ERBB4: variants seen among roughly 807,000 people sequenced by gnomAD.
ERBB4 encodes erb-b2 receptor tyrosine kinase 4, also known as receptor tyrosine-protein kinase erbB-4.
A neutral mutation model predicts 158.0 loss-of-function variants in ERBB4; 42 were observed. That is an observed-to-expected ratio of 0.27 (90% CI 0.21 to 0.34). The LOEUF is 0.34. Among genes scored for constraint, ERBB4 ranks in the 10% least tolerant of loss-of-function variants. ERBB4 has a pLI of 1.00. For synonymous variants in ERBB4, 583 were observed against 558.7 expected (o/e 1.04, Z -0.61); for missense variants, 1,333 against 1,624.1 (o/e 0.82, Z 3.08).
chr2:211,541,071 T>C (rs12694240), intron 20 of ERBB4, among the ~76,000 whole-genome samples: 103,330 of 151,586 alleles, frequency 0.68, 35,627 homozygotes, highest in East Asian at 0.83. Context: ...TCTAAGAAAC[T>C]GTATCAATTG....
intron 2 of ERBB4, among the ~76,000 whole-genome samples, chr2:211,991,668 C>A (rs540760582): frequency 2.0e-5 from 3 of 152,010 alleles, no homozygotes; most frequent in Admixed American, 2.0e-4. Context: ...ACTTGGCCTA[C>A]CTAGGATAGA....
chr2:212,136,656 T>C (rs1347365804), intron 1 of ERBB4, among the ~76,000 whole-genome samples: 1 of 152,202 alleles, frequency 6.6e-6, no homozygotes, highest in Non-Finnish European at 1.5e-5. Context: ...AGTGGTGAGC[T>C]TGCATAATTG....
chr2:212,412,813 C>A (rs74991357), intron 1 of ERBB4, among the ~76,000 whole-genome samples: 3 of 152,160 alleles, frequency 2.0e-5, no homozygotes, highest in East Asian at 1.9e-4. Context: ...AGATTAAATG[C>A]ATTTGTGTAC....
intron 20 of ERBB4, among the ~76,000 whole-genome samples, chr2:211,467,005 T>C (rs997863578): frequency 1.8e-4 from 28 of 152,148 alleles, no homozygotes; most frequent in South Asian, 2.1e-4. Flanking sequence ...TAATGCATTA[T>C]ATTATATATA....
At chr2:212,418,143 T>G (rs970288633) in intron 1 of ERBB4, among the ~76,000 whole-genome samples, 2 of 151,950 alleles carry the variant, frequency 1.3e-5, no homozygotes, top group Non-Finnish European at 2.9e-5. Flanking sequence ...TGTTAGCCAT[T>G]CGGTCTATGG....
chr2:212,448,205 A>T (rs2092391692), intron 1 of ERBB4, among the ~76,000 whole-genome samples: 1 of 152,316 alleles, frequency 6.6e-6, no homozygotes, highest in African/African-American at 2.4e-5. Flanking sequence ...AACAGTAATG[A>T]TTTTAATGCA....
intron 2 of ERBB4, among the ~76,000 whole-genome samples, chr2:212,122,717 G>A (rs562180080): frequency 6.6e-6 from 1 of 151,822 alleles, no homozygotes; most frequent in East Asian, 1.9e-4. Context: ...GTTAAATATG[G>A]ACTAAAGTCT....
chr2:212,000,185 T>C (rs2076071675), intron 2 of ERBB4, among the ~76,000 whole-genome samples: 1 of 151,832 alleles, frequency 6.6e-6, no homozygotes, highest in South Asian at 2.1e-4. Flanking sequence ...ATTATTTTGA[T>C]ATTCATCAAT....
chr2:211,922,761 A>C lies in ERBB4; in HGVS notation c.421+24669T>G, dbSNP rs184615992. Reference sequence around the variant, plus strand: ...ATTATGGGGTGGTGTGGATTGTCAAAAAAACCTTGTCAGAGGATATAACCT... The same window carrying C: ...ATTATGGGGTGGTGTGGATTGTCAACAAAACCTTGTCAGAGGATATAACCT... On this transcript the variant is annotated intron_variant, in intron 3 of 27. Coordinates refer to ENST00000342788, the MANE Select transcript of ERBB4 (RefSeq NM_005235.3). 2.0e-3 allele frequency among the ~76,000 whole-genome samples: 309 copies of C among 152,260 alleles called. 1 individual carries two copies. Among genetic ancestry groups the C allele is most frequent in the African/African-American group, 7.2e-3 (301 of 41,572 alleles).
At chr2:212,446,593 AT>A (rs1185226850) in intron 1 of ERBB4, among the ~76,000 whole-genome samples, 22 of 13,174 alleles carry the variant, frequency 1.7e-3, no homozygotes, top group Non-Finnish European at 2.8e-3. Flanking sequence ...ATATATATGT[AT>A]ATATATATAT....
chr2:211,442,954 C>T (rs1396596148), intron 20 of ERBB4, among the ~76,000 whole-genome samples: 1 of 151,898 alleles, frequency 6.6e-6, no homozygotes, highest in Non-Finnish European at 1.5e-5. Flanking sequence ...ATGGCGTGTT[C>T]CTGTGGAGAT....
chr2:211,824,824 G>A (rs2077063457), intron 3 of ERBB4, among the ~76,000 whole-genome samples: 1 of 151,830 alleles, frequency 6.6e-6, no homozygotes, highest in Non-Finnish European at 1.5e-5. Flanking sequence ...AAATATGTTT[G>A]TTTTTACACA....
chr2:211,773,630 ATATATATATATATATAT>A (rs2075785760), intron 4 of ERBB4, among the ~76,000 whole-genome samples: 2 of 49,918 alleles, frequency 4.0e-5, no homozygotes, highest in African/African-American at 2.1e-4. Flanking sequence ...ATATATATAT[ATATATATATATATATAT>A]AATATATATA....
intron 16 of ERBB4, among the ~76,000 whole-genome samples, chr2:211,651,389 A>G (rs1398139509): frequency 6.6e-6 from 1 of 152,190 alleles, no homozygotes; most frequent in East Asian, 1.9e-4. Flanking sequence ...TTATATGCTC[A>G]AGTACCCAGG....
chr2:212,122,288 T>A (rs1031309418), intron 2 of ERBB4, among the ~76,000 whole-genome samples: 2 of 151,982 alleles, frequency 1.3e-5, no homozygotes, highest in African/African-American at 4.8e-5. Flanking sequence ...ATTGCAGATA[T>A]GTTTTCTAAG....
rs547368216 is a variant in ERBB4, at chr2:212,349,552, T to C, written c.82+188897A>G. On this transcript the variant is annotated intron_variant, in intron 1 of 27. Transcript: ENST00000342788. ...TAGTAAGTGCAGGGGTTAGCACTTA[T>C]TGATATTGACCTAGATGGGAACTGA... Among the ~76,000 whole-genome samples, 8 of 152,272 alleles carry C rather than the reference T, an allele frequency of 5.3e-5. 1 individual carries two copies. The South Asian group carries it at 1.7e-3, about 32-fold the overall frequency.
chr2:212,122,022 T>C (rs1230266704), intron 2 of ERBB4, among the ~76,000 whole-genome samples: 1 of 149,530 alleles, frequency 6.7e-6, no homozygotes, highest in Non-Finnish European at 1.5e-5. Context: ...TATTTGTGTC[T>C]TAGTAATGAT....
chr2:212,324,052 C>T (rs905880), intron 1 of ERBB4, among the ~76,000 whole-genome samples: 133,140 of 150,172 alleles, frequency 0.89, 59,814 homozygotes, highest in Middle Eastern at 0.97. Flanking sequence ...AACATGTGTA[C>T]GACACTCCTC....
intron 25 of ERBB4, among the ~76,000 whole-genome samples, chr2:211,405,478 C>T (rs952045328): frequency 3.5e-4 from 53 of 152,276 alleles, no homozygotes; most frequent in Middle Eastern, 6.8e-3. Context: ...CCAGAGTTTT[C>T]TCCACCTATC....
Sources: gnomAD v4.1 joint callset for allele counts (sites outside exome capture counted in the v4.1 genomes callset) on GRCh38, gnomAD v4.1.1 for gene constraint, MANE v1.5 for transcripts, NCBI Gene and HGNC (gene_info 2026-07-23, HGNC 2026-07-21) for gene names.